The following FBXO4 variants were observed in gnomAD, a reference collection of about 807,000 sequenced individuals.
FBXO4 encodes the protein F-box protein 4, also known as F-box only protein 4.
FBXO4 carries 36 observed loss-of-function variants against 43.7 expected under a neutral mutation model. That is an observed-to-expected ratio of 0.82 (90% CI 0.63 to 1.09). The LOEUF (loss-of-function observed/expected upper bound fraction) is 1.09. Ranked by LOEUF, FBXO4 falls within the 50% of genes least tolerant of loss-of-function variation. FBXO4 has a pLI of 0.00. For missense variants in FBXO4, 435 were observed against 474.1 expected (o/e 0.92, Z 0.77); for synonymous variants, 180 against 165.6 (o/e 1.09, Z -0.67).
the FBXO4 span, among the ~76,000 whole-genome samples, chr5:41,973,721 C>A: frequency 6.6e-6 from 1 of 152,140 alleles, no homozygotes; most frequent in Admixed American, 6.6e-5. Context: ...TCATTTGATC[C>A]AGCAATCCCA....
chr5:42,000,559 T>C, the FBXO4 span, among the ~76,000 whole-genome samples: 914 of 152,300 alleles, frequency 6.0e-3, 12 homozygotes, highest in African/African-American at 0.021. Context: ...TTGATTGTTT[T>C]CCTTGCTCTG....
chr5:41,978,215 C>T, the FBXO4 span, among the ~76,000 whole-genome samples: 5 of 152,058 alleles, frequency 3.3e-5, no homozygotes, highest in African/African-American at 1.2e-4. Context: ...AGCAAGAGCT[C>T]ACTCATCACC....
At chr5:41,984,124 G>T in the FBXO4 span, among the ~76,000 whole-genome samples, 6 of 151,604 alleles carry the variant, frequency 4.0e-5, no homozygotes, top group Non-Finnish European at 8.8e-5. Context: ...GATAATATGA[G>T]GTTACTATTC....
At chr5:41,967,330 T>G in the FBXO4 span, 1 of 449,408 alleles carries the variant, frequency 2.2e-6, no homozygotes, top group South Asian at 1.9e-5. Context: ...CCAACCAACT[T>G]AGGTTTAGCA....
At chr5:42,032,821 T>A in the FBXO4 span, among the ~76,000 whole-genome samples, 4 of 152,154 alleles carry the variant, frequency 2.6e-5, no homozygotes, top group African/African-American at 9.7e-5. Context: ...CCATAGCCAC[T>A]ACAGCTGGCA....
the FBXO4 span, among the ~76,000 whole-genome samples, chr5:42,032,357 C>A: frequency 3.3e-5 from 5 of 152,102 alleles, no homozygotes; most frequent in Non-Finnish European, 7.4e-5. Context: ...TCCAGAGATG[C>A]CATATGGGAG....
the FBXO4 span, chr5:41,967,282 A>G: frequency 2.2e-6 from 1 of 460,842 alleles, no homozygotes; most frequent in Non-Finnish European, 4.3e-6. Context: ...GGAGTGATAT[A>G]ACTGGCTTTT....
the FBXO4 span, among the ~76,000 whole-genome samples, chr5:41,995,870 T>A: frequency 6.6e-6 from 1 of 152,226 alleles, no homozygotes; most frequent in African/African-American, 2.4e-5. Flanking sequence ...TCTCTTTCTA[T>A]GCAAAGTGCA....
the FBXO4 span, among the ~76,000 whole-genome samples, chr5:42,040,361 G>C: frequency 6.6e-6 from 1 of 152,042 alleles, no homozygotes; most frequent in South Asian, 2.1e-4. Context: ...AGAGAACCTG[G>C]AGAAAGTAAT....
At chr5:41,983,823 C>A in the FBXO4 span, among the ~76,000 whole-genome samples, 5 of 151,864 alleles carry the variant, frequency 3.3e-5, no homozygotes, top group East Asian at 9.7e-4. Flanking sequence ...ATAGTAAATG[C>A]CCTATTTTAA....
chr5:42,003,257 G>A, the FBXO4 span, among the ~76,000 whole-genome samples: 8 of 152,298 alleles, frequency 5.3e-5, no homozygotes, highest in South Asian at 1.7e-3. Context: ...TGAGTTACAT[G>A]CTTATCTTGG....
At chr5:41,973,960 GTC>G in the FBXO4 span, among the ~76,000 whole-genome samples, 1 of 152,092 alleles carries the variant, frequency 6.6e-6, no homozygotes, top group African/African-American at 2.4e-5. Flanking sequence ...ATTTTAGAAA[GTC>G]TTTATTTTTC....
chr5:41,961,832 T>C, the FBXO4 span, among the ~76,000 whole-genome samples: 2 of 152,188 alleles, frequency 1.3e-5, no homozygotes, highest in African/African-American at 4.8e-5. Context: ...CAGCTGTTTG[T>C]TGCCTTAGTG....
At chr5:41,930,137 GATTA>G (rs1438181887) in intron 3 of FBXO4, 1 of 481,664 alleles carries the variant, frequency 2.1e-6, no homozygotes, top group African/African-American at 2.0e-5. Flanking sequence ...CAGCCTTTAA[GATTA>G]TGTGAAAATA....
chr5:42,035,782 T>C, the FBXO4 span, among the ~76,000 whole-genome samples: 1 of 152,158 alleles, frequency 6.6e-6, no homozygotes, highest in Non-Finnish European at 1.5e-5. Flanking sequence ...GTGAAAGTCC[T>C]TTATGTGCAC....
At chr5:42,010,591 C>T in the FBXO4 span, among the ~76,000 whole-genome samples, 46 of 152,028 alleles carry the variant, frequency 3.0e-4, no homozygotes, top group Admixed American at 1.8e-3. Flanking sequence ...TTTACCCATT[C>T]TTCCACTGAT....
the FBXO4 span, among the ~76,000 whole-genome samples, chr5:41,999,765 A>AT: frequency 1.3e-3 from 202 of 151,222 alleles, 1 homozygote; most frequent in African/African-American, 4.5e-3. Flanking sequence ...ATCTTTTCAC[A>AT]TTTTTCTGCC....
At chr5:41,995,285 G>A in the FBXO4 span, among the ~76,000 whole-genome samples, 5 of 152,180 alleles carry the variant, frequency 3.3e-5, no homozygotes, top group African/African-American at 1.2e-4. Flanking sequence ...ATGCAGGATA[G>A]GCAAACCCAT....
chr5:41,971,223 TGTG>T, the FBXO4 span, among the ~76,000 whole-genome samples: 1 of 150,092 alleles, frequency 6.7e-6, no homozygotes, highest in African/African-American at 2.5e-5. Context: ...TGTGTGTGTG[TGTG>T]TGTGTGTATG....
Sources: allele counts gnomAD v4.1 joint callset (sites outside exome capture counted in the v4.1 genomes callset), GRCh38; gene constraint gnomAD v4.1.1; transcripts MANE v1.5; gene names NCBI Gene and HGNC (gene_info 2026-07-23, HGNC 2026-07-21).